The following PTPN14 variants were observed in gnomAD, a reference collection of about 807,000 sequenced individuals.
PTPN14 encodes the protein protein tyrosine phosphatase non-receptor type 14.
A neutral mutation model predicts 126.8 loss-of-function variants in PTPN14; 53 were observed. The ratio of observed to expected loss-of-function variants is 0.42; its 90% CI spans 0.34 to 0.53. PTPN14 has a LOEUF of 0.53. PTPN14 is among the 20% of genes least tolerant of loss of function. PTPN14 has a pLI of 0.08. For missense variants in PTPN14, 1,257 were observed against 1,552.9 expected (o/e 0.81, Z 3.20); for synonymous variants, 630 against 599.3 (o/e 1.05, Z -0.75).
intron 8 of PTPN14, among the ~76,000 whole-genome samples, chr1:214,395,846 CCT>C (rs1446542377): frequency 6.6e-6 from 1 of 152,088 alleles, no homozygotes; most frequent in African/African-American, 2.4e-5. Flanking sequence ...CTTCTACCAT[CCT>C]CTGTTTGGAT....
At chr1:214,380,381 C>T (rs1363382079) in intron 13 of PTPN14, among the ~76,000 whole-genome samples, 1 of 152,108 alleles carries the variant, frequency 6.6e-6, no homozygotes, top group Non-Finnish European at 1.5e-5. Flanking sequence ...TTTGATCCTT[C>T]TCACTCACCC....
intron 3 of PTPN14, among the ~76,000 whole-genome samples, chr1:214,441,673 A>C (rs1660039299): frequency 6.6e-6 from 1 of 152,204 alleles, no homozygotes; most frequent in African/African-American, 2.4e-5. Flanking sequence ...CTTTATGGGA[A>C]GCGGATGTCT....
intron 3 of PTPN14, among the ~76,000 whole-genome samples, chr1:214,419,156 T>G (rs1659489962): frequency 1.3e-5 from 2 of 152,228 alleles, no homozygotes; most frequent in East Asian, 3.8e-4. Flanking sequence ...TATTCATTAC[T>G]CCTTCTCCCC....
chr1:214,452,178 A>G (rs1027862250), intron 2 of PTPN14, among the ~76,000 whole-genome samples: 1 of 152,266 alleles, frequency 6.6e-6, no homozygotes, highest in Non-Finnish European at 1.5e-5. Flanking sequence ...ATCCAGATGC[A>G]GTATCCCTAC....
intron 18 of PTPN14, among the ~76,000 whole-genome samples, chr1:214,360,902 C>T (rs980064410): frequency 6.6e-6 from 1 of 152,172 alleles, no homozygotes; most frequent in East Asian, 1.9e-4. Flanking sequence ...GCAGATTTCC[C>T]TCTTGCTGTT....
At chr1:214,532,856 A>C in intron 1 of PTPN14, 1 of 1,026,656 alleles carries the variant, frequency 9.7e-7, no homozygotes, top group Non-Finnish European at 1.5e-6. Flanking sequence ...CTACAAGCCC[A>C]GATTGCCAGC....
intron 3 of PTPN14, among the ~76,000 whole-genome samples, chr1:214,436,563 G>A (rs910363582): frequency 1.3e-5 from 2 of 152,114 alleles, no homozygotes; most frequent in African/African-American, 2.4e-5. Flanking sequence ...TTGGGAGGCT[G>A]AGGCGGGCAG....
intron 12 of PTPN14, among the ~76,000 whole-genome samples, chr1:214,386,236 C>T (rs1428538451): frequency 6.6e-6 from 1 of 151,994 alleles, no homozygotes; most frequent in Non-Finnish European, 1.5e-5. Flanking sequence ...ACAGCAATAC[C>T]ACAATTGCTC....
intron 5 of PTPN14, among the ~76,000 whole-genome samples, chr1:214,405,749 T>C (rs930491265): frequency 1.3e-5 from 2 of 152,230 alleles, no homozygotes; most frequent in African/African-American, 4.8e-5. Flanking sequence ...ATTGAGAATT[T>C]ACCATGTGGC....
Position 214,364,451 on chromosome 1 carries a change from G to C in PTPN14, c.3435+61C>G. ...AATGCAAGGGTGCAGGCAAAGGTTT[G>C]GCCAGGGTGTAGACTTGTCCCCAAG... On this transcript the variant is annotated intron_variant, in intron 18 of 18. Coordinates refer to ENST00000366956, the MANE Select transcript of PTPN14 (RefSeq NM_005401.5). The surrounding 1 kb of genome is among the most constrained non-coding windows in gnomAD (Gnocchi z 4.1). 6.4e-7 allele frequency: 1 copy of C among 1,559,040 alleles called. No individual in the cohort carries two copies. The highest frequency in any genetic ancestry group is 8.7e-7 in the Non-Finnish European group (1 of 1,147,748).
chr1:214,482,821 A>T, intron 1 of PTPN14: 1 of 1,468,096 alleles, frequency 6.8e-7, no homozygotes, highest in Non-Finnish European at 9.3e-7. Context: ...TTAAAAGAGG[A>T]CAGGTTTGGC....
rs150352766 is a variant in PTPN14, at chr1:214,357,958, G to A, written c.3528C>T (p.Val1176=). The A allele has an allele frequency of 2.2e-5, 35 of 1,613,170 alleles. No homozygotes were observed. In the African/African-American group the frequency reaches 4.3e-4, roughly 20 times the overall value. Reference sequence around the variant, plus strand: ...TGGAGTTTTGGAGGAACTGGATGAGGACTTGGTAGACAAACTTGTACTGAG... The same window carrying A: ...TGGAGTTTTGGAGGAACTGGATGAGAACTTGGTAGACAAACTTGTACTGAG... The part of the protein sequence containing the change: ...TIAQYKFVYQ[V]LIQFLQNSRL... Residue 1176 remains valine, a synonymous_variant, in exon 19 of 19, where the codon GTC becomes GTT. Transcript: ENST00000366956.
intron 1 of PTPN14, chr1:214,528,437 T>C (rs1655455707): frequency 6.6e-6 from 1 of 152,012 alleles, no homozygotes. Flanking sequence ...CAGAGAAAAG[T>C]GTGACTAAAA....
chr1:214,390,940 G>A (rs942951802), intron 11 of PTPN14, 48 bp downstream of exon 11: 4 of 1,376,552 alleles, frequency 2.9e-6, no homozygotes, highest in African/African-American at 2.9e-5. Flanking sequence ...TAATAACAAA[G>A]AATGCTCAAC....
rs190105360 is a variant in PTPN14, at chr1:214,378,663, C to T, written c.2545-561G>A. Among the ~76,000 whole-genome samples, 6 of 152,308 alleles carry T rather than the reference C, an allele frequency of 3.9e-5. No homozygotes were observed. The East Asian group carries it at 1.2e-3, about 29-fold the overall frequency. Reference sequence around the variant, plus strand: ...TAATTAATCTCTGATCCTTGGAATACCTAAGGGTGTGTCATCCCCAGAATT... The same window carrying T: ...TAATTAATCTCTGATCCTTGGAATATCTAAGGGTGTGTCATCCCCAGAATT... On this transcript the variant is annotated intron_variant, in intron 13 of 18. Coordinates refer to ENST00000366956, the MANE Select transcript of PTPN14 (RefSeq NM_005401.5).
chr1:214,449,704 T>C (rs528174055), intron 3 of PTPN14, among the ~76,000 whole-genome samples: 155 of 152,254 alleles, frequency 1.0e-3, no homozygotes, highest in African/African-American at 3.6e-3. Context: ...CAGGGAGCAA[T>C]GGTATGCAAC....
intron 5 of PTPN14, among the ~76,000 whole-genome samples, chr1:214,406,154 G>A (rs1202480266): frequency 6.6e-6 from 1 of 152,164 alleles, no homozygotes; most frequent in Non-Finnish European, 1.5e-5. Flanking sequence ...CAATACAGTA[G>A]CCTCTAGACA....
intron 1 of PTPN14, among the ~76,000 whole-genome samples, chr1:214,474,853 G>T (rs1037467100): frequency 6.6e-6 from 1 of 152,312 alleles, no homozygotes; most frequent in Non-Finnish European, 1.5e-5. Flanking sequence ...ACTGTCTTGA[G>T]ATTTCCAGAG....
intron 1 of PTPN14, among the ~76,000 whole-genome samples, chr1:214,540,107 T>C (rs1655800260): frequency 6.6e-6 from 1 of 152,166 alleles, no homozygotes; most frequent in South Asian, 2.1e-4. Flanking sequence ...AATAAAAGAA[T>C]ATATATGATC....
Sources: allele counts gnomAD v4.1 joint callset (sites outside exome capture counted in the v4.1 genomes callset), GRCh38; gene constraint gnomAD v4.1.1; non-coding constraint Gnocchi (gnomAD v3.1); transcripts MANE v1.5; gene names NCBI Gene and HGNC (gene_info 2026-07-23, HGNC 2026-07-21).